ANKRD36B: variants seen among roughly 807,000 people sequenced by gnomAD.
ANKRD36B encodes the protein ankyrin repeat domain 36B.
A neutral mutation model predicts 135.7 loss-of-function variants in ANKRD36B; 37 were observed. That is an observed-to-expected ratio of 0.27 (90% CI 0.21 to 0.36). ANKRD36B has a LOEUF of 0.36. ANKRD36B is among the 10% of genes least tolerant of loss of function. The probability of loss-of-function intolerance (pLI) is 1.00; values close to 1 mark genes in which losing one functional copy is unlikely to be tolerated. For missense variants in ANKRD36B, 549 were observed against 1,037.1 expected, an observed-to-expected ratio of 0.53 and a Z score of 6.46; for synonymous variants, 179 against 348.1, an observed-to-expected ratio of 0.51 and a Z score of 5.41.
intron 6 of ANKRD36B, among the ~76,000 whole-genome samples, chr2:97,565,736 G>A (rs2081375742): frequency 6.6e-6 from 1 of 152,074 alleles, no homozygotes; most frequent in African/African-American, 2.4e-5. Flanking sequence ...AAATAGGAAT[G>A]CTTTTACACT....
At chr2:97,571,404 T>C (rs564969601) in intron 6 of ANKRD36B, among the ~76,000 whole-genome samples, 1 of 151,832 alleles carries the variant, frequency 6.6e-6, no homozygotes, top group South Asian at 2.1e-4. Flanking sequence ...TCCAAACACT[T>C]TGGGAGGCTG....
At chr2:97,585,681 G>T (rs562787166) in intron 1 of ANKRD36B, among the ~76,000 whole-genome samples, 29 of 152,292 alleles carry the variant, frequency 1.9e-4, no homozygotes, top group South Asian at 1.4e-3. Flanking sequence ...ATATGTAAGA[G>T]AATAGTAGCT....
intron 4 of ANKRD36B, 29 bp from the exon 5 acceptor site, chr2:97,579,072 T>G: frequency 2.6e-6 from 4 of 1,559,192 alleles, no homozygotes; most frequent in Non-Finnish European, 3.5e-6. Context: ...AATTAAAAAC[T>G]TTAATGACAT....
At chr2:97,558,776 T>G in intron 10 of ANKRD36B, 23 bp downstream of exon 10, 1 of 1,610,656 alleles carries the variant, frequency 6.2e-7, no homozygotes, top group South Asian at 1.1e-5. Context: ...GAACATGACA[T>G]TAAATGTGTT....
Position 97,585,483 on chromosome 2 carries a change from A to G in ANKRD36B, c.162-85T>C, listed in dbSNP as rs576834594. ...TTCTCTGTCTTCAAAACAAATATGT[A>G]ATTTTCTTGTGAAGAAAGTACAACA... On this transcript the variant is annotated intron_variant, in intron 1 of 43. Coordinates refer to ENST00000359901, the MANE Select transcript of ANKRD36B (RefSeq NM_001393939.1). 15 of 1,466,994 alleles carry G rather than the reference A, an allele frequency of 1.0e-5. No individual in the cohort carries two copies. The East Asian group carries it at 3.5e-4, about 34-fold the overall frequency. 90.9% of individuals were successfully genotyped at this position (1,466,994 alleles called of 1,614,324 possible). A position where few individuals can be genotyped will look rare whatever the true frequency, so the allele number is the denominator to read the frequency against.
intron 6 of ANKRD36B, among the ~76,000 whole-genome samples, chr2:97,562,023 A>C (rs1410253915): frequency 6.6e-6 from 1 of 151,904 alleles, no homozygotes; most frequent in Non-Finnish European, 1.5e-5. Context: ...AAGAGTTATA[A>C]TTTAAAAAAT....
chr2:97,547,307 A>G lies in ANKRD36B; in HGVS notation c.1579+229T>C, dbSNP rs528255597. On this transcript the variant is annotated intron_variant, in intron 22 of 43. Coordinates refer to ENST00000359901, the MANE Select transcript of ANKRD36B (RefSeq NM_001393939.1). ...CCCCTTATGCCTTGAACTGCTCACCATATTTCTTCTTCCCAATTTCAATGT... is the reference window on the plus strand; with the variant it reads ...CCCCTTATGCCTTGAACTGCTCACCGTATTTCTTCTTCCCAATTTCAATGT... 1.2e-5 allele frequency: 6 copies of G among 514,754 alleles called. No individual in the cohort carries two copies. In the Admixed American group the frequency reaches 1.8e-4, roughly 15 times the overall value. The allele number at this position is 514,754 out of a possible 1,614,324, so 31.9% of individuals were successfully genotyped here.
chr2:97,561,920 TTTCCTGC>T (rs1294222962), intron 6 of ANKRD36B, among the ~76,000 whole-genome samples: 2 of 151,984 alleles, frequency 1.3e-5, no homozygotes, highest in African/African-American at 4.8e-5. Context: ...TCTATCACTC[TTTCCTGC>T]TTCCAGTAGT....
chr2:97,575,925 A>C (rs1370476452), intron 6 of ANKRD36B, among the ~76,000 whole-genome samples: 6 of 151,768 alleles, frequency 4.0e-5, no homozygotes, highest in Non-Finnish European at 8.8e-5. Context: ...TAACATACCA[A>C]ATATGTATTT....
intron 22 of ANKRD36B, among the ~76,000 whole-genome samples, chr2:97,546,739 C>T (rs551003109): frequency 2.0e-5 from 3 of 151,752 alleles, no homozygotes; most frequent in African/African-American, 7.2e-5. Context: ...ATGTTATTCT[C>T]GAAAGAAGTT....
rs1159226772 is a variant in ANKRD36B at position 97,516,192 on chromosome 2, TAAAAAAAA to T, written c.2408-255_2408-248del. Among the ~76,000 whole-genome samples, 32 of 33,524 alleles carry T rather than the reference TAAAAAAAA, an allele frequency of 9.5e-4. 1 individual carries two copies. Among genetic ancestry groups the T allele is most frequent in the Non-Finnish European group, 2.1e-3 (25 of 11,678 alleles). The allele number at this position is 33,524 out of a possible 152,430, so 22.0% of individuals were successfully genotyped here. ...CAGTTATAAACTCAGATAGGTCCTG[TAAAAAAAA>T]AAAAAAAAAAAAAACATAGTTATGT... On this transcript the variant is annotated intron_variant, in intron 36 of 43. Coordinates refer to ENST00000359901, the MANE Select transcript of ANKRD36B (RefSeq NM_001393939.1).
intron 35 of ANKRD36B, among the ~76,000 whole-genome samples, chr2:97,531,364 C>A (rs1160176895): frequency 3.4e-5 from 2 of 58,724 alleles, no homozygotes; most frequent in African/African-American, 1.0e-4. Context: ...AACGAGAACA[C>A]GTGGACACAG....
chr2:97,587,372 T>G (rs1413797126), intron 1 of ANKRD36B, among the ~76,000 whole-genome samples: 3 of 152,166 alleles, frequency 2.0e-5, no homozygotes, highest in Non-Finnish European at 4.4e-5. Context: ...AAAGAAGAAA[T>G]GTTATATTTT....
At position 97,547,557 on chromosome 2, in the gene ANKRD36B, C is replaced by T. The variant is rs13001324; in HGVS notation, c.1558G>A (p.Asp520Asn). 0.61 allele frequency: 892,682 copies of T among 1,470,352 alleles called. 295,755 individuals are homozygous for T. The highest frequency in any genetic ancestry group is 0.67 in the Non-Finnish European group (719,107 of 1,067,954). The allele number at this position is 1,470,352 out of a possible 1,614,324, so 91.1% of individuals were successfully genotyped here. ...SLLNIARGKK[D>N]GEKTRRVSSH... ...TTACCTCTCCTAGTTTTTTCTCCAT[C>T]TTTTTTTCCTCTGGCTATATTCAAA... is the stretch of plus-strand genomic sequence containing the variant. The change falls in exon 22 of 44, where the codon GAT (aspartate) becomes AAT (asparagine). Residue 520 changes from aspartate (D) to asparagine (N), a missense_variant. Asp to Asn is a conservative substitution (Grantham distance 23). Coordinates refer to ENST00000359901, the MANE Select transcript of ANKRD36B (RefSeq NM_001393939.1).
At chr2:97,588,638 TA>T (rs2083191932) in intron 1 of ANKRD36B, among the ~76,000 whole-genome samples, 1 of 149,560 alleles carries the variant, frequency 6.7e-6, no homozygotes, top group African/African-American at 2.5e-5. Context: ...GTAAAATTTA[TA>T]AACACAGAAA....
chr2:97,559,070 G>T (rs796759686), intron 8 of ANKRD36B, 76 bp from the exon 9 acceptor site: 11 of 1,588,230 alleles, frequency 6.9e-6, no homozygotes, highest in Non-Finnish European at 9.4e-6. Context: ...TGCAGTGTTA[G>T]CATCAAGCTG....
intron 1 of ANKRD36B, among the ~76,000 whole-genome samples, chr2:97,586,676 A>C (rs2083023705): frequency 6.6e-6 from 1 of 152,220 alleles, no homozygotes. Flanking sequence ...ATAATCACTT[A>C]TATTTGCTCA....
chr2:97,552,617 G>T (rs1034125043), intron 16 of ANKRD36B, among the ~76,000 whole-genome samples: 1 of 151,832 alleles, frequency 6.6e-6, no homozygotes, highest in African/African-American at 2.4e-5. Flanking sequence ...TGCATGTGAA[G>T]TGAGTTCACT....
intron 6 of ANKRD36B, among the ~76,000 whole-genome samples, chr2:97,571,560 C>T (rs1220777706): frequency 6.6e-6 from 1 of 151,688 alleles, no homozygotes; most frequent in African/African-American, 2.4e-5. Context: ...GCAGGAGAAG[C>T]GTTTGAACCC....
Sources: gnomAD v4.1 joint callset for allele counts (sites outside exome capture counted in the v4.1 genomes callset) on GRCh38, gnomAD v4.1.1 for gene constraint, MANE v1.5 for transcripts, NCBI Gene and HGNC (gene_info 2026-07-23, HGNC 2026-07-21) for gene names.